The following PRRT1B variants were observed in gnomAD, a reference collection of about 807,000 sequenced individuals.
The protein encoded by PRRT1B is dispanin subfamily D member 2.
At chr9:131,556,510 AG>A (rs1300167798) in intron 3 of PRRT1B, among the ~76,000 whole-genome samples, 1 of 152,166 alleles carries the variant, frequency 6.6e-6, no homozygotes, top group Non-Finnish European at 1.5e-5. Flanking sequence ...TGTGTTTTAA[AG>A]GGGGTACAAT....
At chr9:131,558,096 A>C (rs1951062235) in exon 4 of PRRT1B, 1 of 400,550 alleles carries the variant, frequency 2.5e-6, no homozygotes, top group Admixed American at 4.4e-5. Context: ...CAGGCTGAGG[A>C]GGCCTCGCGG....
At chr9:131,554,942 C>T (rs1951038402) in exon 2 of PRRT1B, 1 of 389,034 alleles carries the variant, frequency 2.6e-6, no homozygotes, top group East Asian at 3.7e-5. Flanking sequence ...CTGCGCTCTT[C>T]CCGCCGCCCG....
At chr9:131,546,990 A>G (rs1950980072) in intron 1 of PRRT1B, among the ~76,000 whole-genome samples, 1 of 151,598 alleles carries the variant, frequency 6.6e-6, no homozygotes, top group Non-Finnish European at 1.5e-5. Context: ...TGGGGAGCAT[A>G]AAAACAAAAG....
downstream of PRRT1B, among the ~76,000 whole-genome samples, chr9:131,559,030 G>A (rs1034769973): frequency 6.6e-6 from 1 of 152,208 alleles, no homozygotes; most frequent in Non-Finnish European, 1.5e-5. Context: ...GGGAGCACTT[G>A]CACCAAGATC....
Position 131,556,359 on chromosome 9 carries a change from A to C in PRRT1B, c.642+146A>C, listed in dbSNP as rs1411926848. 2.0e-5 allele frequency: 8 copies of C among 396,800 alleles called. No homozygotes were observed. In the East Asian group the frequency reaches 2.5e-4, roughly 12 times the overall value. 24.6% of individuals were successfully genotyped at this position (396,800 alleles called of 1,614,324 possible). The stretch of plus-strand genomic sequence containing the variant: ...GGTGGGAATTGGGAAGTCAGAGCCC[A>C]GTTGTTTGTGGGATCCTTGCTCCTC... On this transcript the variant is annotated intron_variant, in intron 3 of 3. Coordinates refer to ENST00000636672, the Ensembl canonical transcript of PRRT1B.
chr9:131,555,725 G>A (rs1372972088), intron 2 of PRRT1B, among the ~76,000 whole-genome samples: 6 of 152,140 alleles, frequency 3.9e-5, no homozygotes, highest in Non-Finnish European at 8.8e-5. Flanking sequence ...CAAAAGCCCT[G>A]GGCTGCCTGT....
chr9:131,556,933 C>T (rs1217007417), intron 3 of PRRT1B, among the ~76,000 whole-genome samples: 1 of 151,978 alleles, frequency 6.6e-6, no homozygotes, highest in Non-Finnish European at 1.5e-5. Context: ...GTGCCTGGCC[C>T]ATCCACCATC....
rs558571103 is a variant in PRRT1B at position 131,549,994 on chromosome 9, A to C, written c.25+4354A>C. Among the ~76,000 whole-genome samples, 6 of 152,134 alleles carry C rather than the reference A, an allele frequency of 3.9e-5. No individual in the cohort carries two copies. The South Asian group carries it at 1.2e-3, about 32-fold the overall frequency. On this transcript the variant is annotated intron_variant, in intron 1 of 3. Transcript: ENST00000636672. Reference sequence around the variant, plus strand: ...TTGTATCTCCCCACCTTAATCCACAAGTATATCATGCACCCCTTACCATCC... The same window carrying C: ...TTGTATCTCCCCACCTTAATCCACACGTATATCATGCACCCCTTACCATCC...
At chr9:131,555,990 T>C in intron 2 of PRRT1B, 80 bp from the exon 3 acceptor site, 1 of 398,968 alleles carries the variant, frequency 2.5e-6, no homozygotes, top group Non-Finnish European at 4.4e-6. Flanking sequence ...AGAGCTTGCA[T>C]GGCCTGGCTG....
At chr9:131,549,250 C>A (rs2132007072) in intron 1 of PRRT1B, among the ~76,000 whole-genome samples, 1 of 152,314 alleles carries the variant, frequency 6.6e-6, no homozygotes, top group East Asian at 1.9e-4. Flanking sequence ...TTCCTTGCCT[C>A]CACTGTGAGA....
At position 131,556,614 on chromosome 9, in the gene PRRT1B, A is replaced by G. The variant is rs572591353; in HGVS notation, c.642+401A>G. ...CATCTATTCACCCACCCATTTATCC[A>G]TCCACCCACCCATCCACCATCTCTC... On this transcript the variant is annotated intron_variant, in intron 3 of 3. Coordinates refer to ENST00000636672, the Ensembl canonical transcript of PRRT1B. 1.2e-3 allele frequency among the ~76,000 whole-genome samples: 175 copies of G among 150,490 alleles called. 1 individual carries two copies. The highest frequency in any genetic ancestry group is 3.0e-3 in the Admixed American group (46 of 15,096).
chr9:131,553,669 A>G (rs1411573862), intron 1 of PRRT1B, among the ~76,000 whole-genome samples: 1 of 152,170 alleles, frequency 6.6e-6, no homozygotes, highest in Non-Finnish European at 1.5e-5. Flanking sequence ...TCTGCCTTTT[A>G]TAACCCTTAA....
chr9:131,556,251 G>C (rs1951048948), intron 3 of PRRT1B, 38 bp downstream of exon 3: 4 of 400,594 alleles, frequency 1.0e-5, no homozygotes. Context: ...GCCTCTCCTA[G>C]CACGCAGCCA....
At chr9:131,554,334 C>G (rs1161873350) in intron 1 of PRRT1B, among the ~76,000 whole-genome samples, 21 of 150,392 alleles carry the variant, frequency 1.4e-4, no homozygotes, top group African/African-American at 4.4e-4. Context: ...CGGGGAGGGG[C>G]GGGGTCAGCA....
At chr9:131,555,339 C>T (rs1951042217) in intron 2 of PRRT1B, among the ~76,000 whole-genome samples, 1 of 152,048 alleles carries the variant, frequency 6.6e-6, no homozygotes, top group African/African-American at 2.4e-5. Context: ...GGGGAGGGAC[C>T]CCAGAAACTT....
At chr9:131,555,789 T>C (rs771881107) in intron 2 of PRRT1B, among the ~76,000 whole-genome samples, 4 of 151,744 alleles carry the variant, frequency 2.6e-5, no homozygotes, top group Non-Finnish European at 5.9e-5. Context: ...GTGAGGACGA[T>C]AGAGATATCA....
Position 131,551,813 on chromosome 9 carries a change from G to A in PRRT1B, c.26-2744G>A, listed in dbSNP as rs951605907. 1.7e-5 allele frequency among the ~76,000 whole-genome samples: 2 copies of A among 115,618 alleles called. No homozygotes were observed. Among genetic ancestry groups the A allele is most frequent in the Non-Finnish European group, 3.8e-5 (2 of 52,670 alleles). 75.8% of individuals were successfully genotyped at this position (115,618 alleles called of 152,430 possible). A position where few individuals can be genotyped will look rare whatever the true frequency, so the allele number is the denominator to read the frequency against. ...TTTACCTACGCAAATCCTATAAGAC[G>A]GCCCACCCCATCTCCCTTCGCTGAC... On this transcript the variant is annotated intron_variant, in intron 1 of 3. Transcript: ENST00000636672. This position sits in a 1 kb window ranked among gnomAD's most constrained non-coding sequence, Gnocchi z 4.4.
chr9:131,554,623 C>G, exon 2 of PRRT1B: 1 of 395,278 alleles, frequency 2.5e-6, no homozygotes, highest in Non-Finnish European at 4.5e-6. Context: ...GCGAAGCCCG[C>G]CGCCCCCGAG....
At chr9:131,554,968 C>T (rs1158846947) in exon 2 of PRRT1B, 2 of 392,098 alleles carry the variant, frequency 5.1e-6, no homozygotes, top group Non-Finnish European at 9.0e-6. Flanking sequence ...CTCTACCCAG[C>T]CGCGCCCACG....
Sources: allele counts gnomAD v4.1 joint callset (sites outside exome capture counted in the v4.1 genomes callset), GRCh38; gene constraint gnomAD v4.1.1; non-coding constraint Gnocchi (gnomAD v3.1); transcripts MANE v1.5; gene names NCBI Gene and HGNC (gene_info 2026-07-23, HGNC 2026-07-21).